Variants in AIM2 observed in about 807,000 individuals in gnomAD.
The protein encoded by AIM2 is interferon-inducible protein AIM2.
A neutral mutation model predicts 27.7 loss-of-function variants in AIM2; 30 were observed. The ratio of observed to expected loss-of-function variants is 1.08; its 90% CI spans 0.81 to 1.47. The LOEUF (loss-of-function observed/expected upper bound fraction) is 1.47. Among genes scored for constraint, AIM2 ranks in the 40% most tolerant of loss-of-function variants. The probability of loss-of-function intolerance (pLI) is 0.00; values close to 1 mark genes in which losing one functional copy is unlikely to be tolerated. For missense variants in AIM2, 358 were observed against 411.3 expected (o/e 0.87, Z 1.12); for synonymous variants, 141 against 145.3 (o/e 0.97, Z 0.21).
intron 1 of AIM2, among the ~76,000 whole-genome samples, chr1:159,132,810 C>T (rs1211143579): frequency 1.3e-5 from 2 of 152,116 alleles, no homozygotes; most frequent in Non-Finnish European, 2.9e-5. Flanking sequence ...TCCTTAACAC[C>T]GCCTAGTAAA....
At chr1:159,103,113 C>A (rs1017832760) in intron 1 of AIM2, among the ~76,000 whole-genome samples, 1 of 152,118 alleles carries the variant, frequency 6.6e-6, no homozygotes, top group Admixed American at 6.5e-5. Context: ...AGTTGTTTCC[C>A]CCATGCTGTT....
At chr1:159,141,860 G>A (rs532092122), upstream of AIM2, among the ~76,000 whole-genome samples, 16 of 152,280 alleles carry the variant, frequency 1.1e-4, no homozygotes, top group East Asian at 2.9e-3. Context: ...CTCTGGGTCC[G>A]ATGGTCCCCA....
intron 1 of AIM2, among the ~76,000 whole-genome samples, chr1:159,075,593 C>A (rs1656570782): frequency 7.0e-6 from 1 of 143,118 alleles, no homozygotes; most frequent in Non-Finnish European, 1.5e-5. Context: ...ATGGCTATAC[C>A]TGCTATATAT....
At chr1:159,118,861 C>A (rs1431607363) in intron 1 of AIM2, among the ~76,000 whole-genome samples, 3 of 151,116 alleles carry the variant, frequency 2.0e-5, no homozygotes, top group Non-Finnish European at 4.4e-5. Flanking sequence ...TTTTTTTTTC[C>A]TTCTGCATAC....
chr1:159,104,963 G>A (rs1057492007), intron 1 of AIM2, among the ~76,000 whole-genome samples: 1 of 152,332 alleles, frequency 6.6e-6, no homozygotes, highest in East Asian at 1.9e-4. Context: ...TGTTTCACCA[G>A]CCGGAAACCC....
chr1:159,087,775 G>A (rs942170591), intron 1 of AIM2, among the ~76,000 whole-genome samples: 4 of 151,874 alleles, frequency 2.6e-5, no homozygotes, highest in East Asian at 1.9e-4. Context: ...GTTTCACCAC[G>A]TTGGCCAGGC....
chr1:159,106,000 C>T (rs1324729201), intron 1 of AIM2, among the ~76,000 whole-genome samples: 2 of 152,146 alleles, frequency 1.3e-5, no homozygotes, highest in Non-Finnish European at 2.9e-5. Flanking sequence ...ATCATGTTGT[C>T]CACAGGCACC....
rs548117403 is a variant in AIM2, at chr1:159,127,807, T to A, written c.-16+12624A>T. Among the ~76,000 whole-genome samples the A allele has an allele frequency of 1.4e-4, 21 of 152,328 alleles. No individual in the cohort carries two copies. The East Asian group carries it at 3.5e-3, about 25-fold the overall frequency. On this transcript the variant is annotated intron_variant, in intron 1 of 2. Coordinates refer to the AIM2 transcript ENST00000368129. ...CTGGATTTCTCATAGCCTCCAGAAC[T>A]GTGAGAAATAAATTTCTGTTGTTTA... is the stretch of plus-strand genomic sequence containing the variant.
At chr1:159,092,195 ATAT>A (rs1278950894) in intron 1 of AIM2, among the ~76,000 whole-genome samples, 1 of 152,234 alleles carries the variant, frequency 6.6e-6, no homozygotes, top group African/African-American at 2.4e-5. Context: ...AAACATGAAA[ATAT>A]TATCTGAACA....
At chr1:159,143,434 A>C (rs557735769), upstream of AIM2, among the ~76,000 whole-genome samples, 1 of 152,302 alleles carries the variant, frequency 6.6e-6, no homozygotes, top group Admixed American at 6.5e-5. Context: ...CTGAGTGGCT[A>C]GTAACAAGGT....
chr1:159,133,380 A>G (rs1647944539), intron 1 of AIM2, among the ~76,000 whole-genome samples: 1 of 152,184 alleles, frequency 6.6e-6, no homozygotes, highest in South Asian at 2.1e-4. Context: ...TTTATGTTGG[A>G]GAGTTACCAT....
At chr1:159,091,441 T>C (rs1345651182) in intron 1 of AIM2, among the ~76,000 whole-genome samples, 2 of 152,244 alleles carry the variant, frequency 1.3e-5, no homozygotes, top group African/African-American at 4.8e-5. Context: ...CCCTTTTGAC[T>C]ACTGTCAGCA....
chr1:159,130,080 AC>A (rs1308633712), intron 1 of AIM2, among the ~76,000 whole-genome samples: 1 of 152,218 alleles, frequency 6.6e-6, no homozygotes, highest in African/African-American at 2.4e-5. Context: ...AACATTTGAC[AC>A]TATGGCTCGT....
chr1:159,058,899 C>T (rs1655741533), downstream of AIM2, among the ~76,000 whole-genome samples: 1 of 152,164 alleles, frequency 6.6e-6, no homozygotes, highest in South Asian at 2.1e-4. Context: ...TCCCGCCTCA[C>T]AGTTTGAATT....
chr1:159,073,111 G>A, intron 2 of AIM2, 127 bp downstream of exon 2: 1 of 1,148,768 alleles, frequency 8.7e-7, no homozygotes, highest in East Asian at 2.5e-5. Context: ...CAAAGAGACA[G>A]GTGCACTAAG....
At chr1:159,073,098 G>A in intron 2 of AIM2, 140 bp downstream of exon 2, 3 of 1,016,554 alleles carry the variant, frequency 3.0e-6, no homozygotes, top group Non-Finnish European at 4.3e-6. Context: ...CAGTAAAAGG[G>A]GGCAAAGAGA....
chr1:159,096,003 A>G (rs995483162), intron 1 of AIM2, among the ~76,000 whole-genome samples: 4 of 152,218 alleles, frequency 2.6e-5, no homozygotes, highest in Admixed American at 6.5e-5. Context: ...ATAAAGGTCC[A>G]TTTTCATAAA....
chr1:159,079,773 T>C (rs543278622), upstream of AIM2, among the ~76,000 whole-genome samples: 1 of 152,164 alleles, frequency 6.6e-6, no homozygotes, highest in African/African-American at 2.4e-5. Flanking sequence ...AAATGTATAA[T>C]GAGTATCCAC....
intron 3 of AIM2, among the ~76,000 whole-genome samples, chr1:159,068,336 A>G (rs1233400420): frequency 6.6e-6 from 1 of 152,258 alleles, no homozygotes; most frequent in Non-Finnish European, 1.5e-5. Flanking sequence ...AATCCAAAAC[A>G]TAACAAAGTG....
Sources: allele counts gnomAD v4.1 joint callset (sites outside exome capture counted in the v4.1 genomes callset), GRCh38; gene constraint gnomAD v4.1.1; transcripts MANE v1.5; gene names NCBI Gene and HGNC (gene_info 2026-07-23, HGNC 2026-07-21).